KCNC2: variants seen among roughly 807,000 people sequenced by gnomAD.
The protein encoded by KCNC2 is potassium voltage-gated channel subfamily C member 2, also known as voltage-gated potassium channel KCNC2.
A neutral mutation model predicts 44.5 loss-of-function variants in KCNC2; 21 were observed. That is an observed-to-expected ratio of 0.47 (90% CI 0.33 to 0.68). The LOEUF is 0.68. KCNC2 is among the 30% of genes least tolerant of loss of function. KCNC2 has a pLI of 0.01. For missense variants in KCNC2, 589 were observed against 826.2 expected, an observed-to-expected ratio of 0.71 and a Z score of 3.52; for synonymous variants, 391 against 339.1, an observed-to-expected ratio of 1.15 and a Z score of -1.68.
intron 2 of KCNC2, among the ~76,000 whole-genome samples, chr12:75,123,231 T>G (rs11829674): frequency 0.052 from 7,980 of 152,198 alleles, 607 homozygotes; most frequent in East Asian, 0.28. Flanking sequence ...TCAAGGAAGT[T>G]TTTACTGCAT....
chr12:75,043,263 A>T (rs778492467), intron 4 of KCNC2, 22 bp from the exon 5 acceptor site: 5 of 1,611,166 alleles, frequency 3.1e-6, no homozygotes, highest in Non-Finnish European at 4.2e-6. Context: ...AAATGCACAG[A>T]CATCAGTTGA....
At chr12:75,174,875 A>G (rs1212400253) in intron 2 of KCNC2, among the ~76,000 whole-genome samples, 1 of 151,978 alleles carries the variant, frequency 6.6e-6, no homozygotes, top group Non-Finnish European at 1.5e-5. Context: ...GCAAACATCT[A>G]TTTATCTGAC....
chr12:75,065,256 G>T (rs1399661193), intron 2 of KCNC2, among the ~76,000 whole-genome samples: 1 of 152,062 alleles, frequency 6.6e-6, no homozygotes, highest in African/African-American at 2.4e-5. Context: ...GAATCACATA[G>T]TGGAGACTCA....
At chr12:75,080,549 G>A (rs1330205582) in intron 2 of KCNC2, among the ~76,000 whole-genome samples, 1 of 152,068 alleles carries the variant, frequency 6.6e-6, no homozygotes. Context: ...ATTATTGAAT[G>A]TGCAAAAAAT....
chr12:75,189,917 ACT>A (rs1324787360), intron 2 of KCNC2, among the ~76,000 whole-genome samples: 1 of 151,892 alleles, frequency 6.6e-6, no homozygotes, highest in Non-Finnish European at 1.5e-5. Flanking sequence ...TGAAAAAGAG[ACT>A]CTTCTGTCCC....
chr12:75,178,970 G>GT (rs988678433), intron 2 of KCNC2, among the ~76,000 whole-genome samples: 1 of 151,812 alleles, frequency 6.6e-6, no homozygotes, highest in African/African-American at 2.4e-5. Context: ...GAGCTTGAAT[G>GT]TTTTTTCCCT....
intron 2 of KCNC2, among the ~76,000 whole-genome samples, chr12:75,178,372 G>A (rs1892336477): frequency 6.6e-6 from 1 of 151,980 alleles, no homozygotes; most frequent in Non-Finnish European, 1.5e-5. Flanking sequence ...CAAATTTATT[G>A]ATTCACACAG....
In KCNC2 at chr12:75,041,720, A is replaced by C; in HGVS notation, c.*1385T>G. On this transcript the variant is annotated 3_prime_UTR_variant, in exon 5 of 5. Coordinates refer to ENST00000549446, the MANE Select transcript of KCNC2 (RefSeq NM_139137.4). ...AGTAGAAACTGACACTGCAGCAGGCAACCAAGTGCAATGGTGAAATTGCTG... is the reference window on the plus strand; with the variant it reads ...AGTAGAAACTGACACTGCAGCAGGCCACCAAGTGCAATGGTGAAATTGCTG... 2.0e-6 allele frequency: 2 copies of C among 992,952 alleles called. No individual in the cohort carries two copies. Among genetic ancestry groups the C allele is most frequent in the Non-Finnish European group, 1.2e-6 (1 of 834,214 alleles). The allele number at this position is 992,952 out of a possible 1,614,324, so 61.5% of individuals were successfully genotyped here.
chr12:75,097,534 T>C (rs1352004365), intron 2 of KCNC2, among the ~76,000 whole-genome samples: 1 of 152,152 alleles, frequency 6.6e-6, no homozygotes, highest in East Asian at 1.9e-4. Context: ...GTATTTTCTG[T>C]TCAGTTTTAC....
At chr12:75,090,534 T>A (rs1406578146) in intron 2 of KCNC2, among the ~76,000 whole-genome samples, 1 of 151,628 alleles carries the variant, frequency 6.6e-6, no homozygotes, top group Non-Finnish European at 1.5e-5. Context: ...ATTAAGGAAT[T>A]TCAGGATCCT....
intron 2 of KCNC2, among the ~76,000 whole-genome samples, chr12:75,200,496 A>T (rs573130050): frequency 6.6e-6 from 1 of 151,940 alleles, no homozygotes; most frequent in Non-Finnish European, 1.5e-5. Flanking sequence ...ACTTAAAGCC[A>T]TATTCCCACA....
At position 75,138,979 on chromosome 12, in the gene KCNC2, TAAAAAAA is replaced by T. The variant is rs373729570; in HGVS notation, c.687+68311_687+68317del. ...CTGGGCCACAGAGCGAGACTCCGTG[TAAAAAAA>T]AAAAAAAAAAAAAAAAAAAACCAAG... On this transcript the variant is annotated intron_variant, in intron 2 of 4. Transcript: ENST00000549446. 2.7e-3 allele frequency among the ~76,000 whole-genome samples: 207 copies of T among 77,920 alleles called. 1 individual carries two copies. The highest frequency in any genetic ancestry group is 9.0e-3 in the South Asian group (18 of 2,006). The allele number at this position is 77,920 out of a possible 152,430, so 51.1% of individuals were successfully genotyped here.
intron 2 of KCNC2, among the ~76,000 whole-genome samples, chr12:75,117,970 A>G (rs1265200824): frequency 2.0e-5 from 3 of 152,162 alleles, no homozygotes; most frequent in Admixed American, 6.5e-5. Flanking sequence ...AGTAATCAAT[A>G]TATGTTAAAA....
intron 2 of KCNC2, among the ~76,000 whole-genome samples, chr12:75,172,399 T>G (rs944620043): frequency 2.6e-5 from 4 of 151,642 alleles, no homozygotes; most frequent in African/African-American, 9.7e-5. Context: ...AGGTGATGGA[T>G]GATCTGTGCA....
chr12:75,048,349 G>A (rs754222004), intron 3 of KCNC2, 32 bp from the exon 4 acceptor site: 1 of 1,574,102 alleles, frequency 6.4e-7, no homozygotes, highest in Admixed American at 1.9e-5. Flanking sequence ...TTGACAGACA[G>A]TGATGAATGA....
intron 2 of KCNC2, among the ~76,000 whole-genome samples, chr12:75,150,568 A>G (rs192550815): frequency 1.9e-4 from 29 of 151,972 alleles, no homozygotes; most frequent in Non-Finnish European, 7.4e-5. Context: ...AGCACCATCA[A>G]TACTTCCTTG....
At chr12:75,065,045 G>A (rs1882696505) in intron 2 of KCNC2, among the ~76,000 whole-genome samples, 1 of 152,032 alleles carries the variant, frequency 6.6e-6, no homozygotes, top group African/African-American at 2.4e-5. Context: ...AATAATATAG[G>A]CAACTAAATA....
chr12:75,112,408 G>C (rs1423714469), intron 2 of KCNC2, among the ~76,000 whole-genome samples: 1 of 151,944 alleles, frequency 6.6e-6, no homozygotes, highest in Non-Finnish European at 1.5e-5. Flanking sequence ...CAAAAGTTCT[G>C]TGCTTTTTTT....
At chr12:75,174,917 C>T (rs1329023374) in intron 2 of KCNC2, among the ~76,000 whole-genome samples, 2 of 151,876 alleles carry the variant, frequency 1.3e-5, no homozygotes, top group African/African-American at 2.4e-5. Flanking sequence ...AACAAAAAGG[C>T]TAAGAGAAAG....
Sources: gnomAD v4.1 joint callset for allele counts (sites outside exome capture counted in the v4.1 genomes callset) on GRCh38, gnomAD v4.1.1 for gene constraint, MANE v1.5 for transcripts, NCBI Gene and HGNC (gene_info 2026-07-23, HGNC 2026-07-21) for gene names.